Variants in NBAS observed in about 807,000 individuals in gnomAD.
NBAS encodes NBAS subunit of NRZ tethering complex.
In NBAS, 219 loss-of-function variants were observed where a neutral mutation model predicts 302.5. The observed-to-expected ratio is 0.72, with a 90% CI of 0.65 to 0.81. The LOEUF (loss-of-function observed/expected upper bound fraction) is 0.81. NBAS is among the 30% of genes least tolerant of loss of function. The pLI is 0.00. For synonymous variants in NBAS, 1,118 were observed against 1,021.6 expected, an observed-to-expected ratio of 1.09 and a Z score of -1.80; for missense variants, 2,932 against 2,841.6, an observed-to-expected ratio of 1.03 and a Z score of -0.72.
At chr2:15,232,203 G>A (rs539116318) in intron 47 of NBAS, among the ~76,000 whole-genome samples, 5 of 152,174 alleles carry the variant, frequency 3.3e-5, no homozygotes, top group African/African-American at 1.2e-4. Context: ...GGCTTTCAAG[G>A]AGGCAAGAGA....
At chr2:15,147,922 A>G in the NBAS span, among the ~76,000 whole-genome samples, 3 of 151,228 alleles carry the variant, frequency 2.0e-5, no homozygotes, top group Admixed American at 1.3e-4. Context: ...GGGCCTGAAG[A>G]TAGGCTAAAT....
At position 15,386,637 on chromosome 2, in the gene NBAS, C is replaced by T. The variant is rs147339558; in HGVS notation, c.3258-3320G>A. ...CTTCTCTGCTGATCTTCATGTCCACCTTCATAGCAGCATCTCCACCTACTG... is the reference window on the plus strand; with the variant it reads ...CTTCTCTGCTGATCTTCATGTCCACTTTCATAGCAGCATCTCCACCTACTG... On this transcript the variant is annotated intron_variant, in intron 28 of 51. Transcript: ENST00000281513. 2.9e-3 allele frequency among the ~76,000 whole-genome samples: 446 copies of T among 152,256 alleles called. 1 individual carries two copies. Among genetic ancestry groups the T allele is most frequent in the African/African-American group, 0.01 (426 of 41,536 alleles).
the NBAS span, among the ~76,000 whole-genome samples, chr2:14,828,607 C>CA: frequency 2.0e-5 from 3 of 151,588 alleles, no homozygotes; most frequent in East Asian, 1.9e-4. Context: ...AATGACTGTG[C>CA]AAAAAAAATA....
intron 1 of NBAS, among the ~76,000 whole-genome samples, chr2:15,559,259 G>A (rs1427547259): frequency 6.6e-6 from 1 of 152,100 alleles, no homozygotes; most frequent in Non-Finnish European, 1.5e-5. Flanking sequence ...CTGGTTGCCA[G>A]TTCAGCATAC....
the NBAS span, among the ~76,000 whole-genome samples, chr2:14,939,990 A>G: frequency 6.6e-6 from 1 of 152,212 alleles, no homozygotes; most frequent in Non-Finnish European, 1.5e-5. Flanking sequence ...TGGCTCATTC[A>G]TTTAAAATTA....
rs1198420518 is a variant in NBAS at position 15,483,661 on chromosome 2, A to T, written c.1083+5233T>A. On this transcript the variant is annotated intron_variant, in intron 12 of 51. Coordinates refer to ENST00000281513, the MANE Select transcript of NBAS (RefSeq NM_015909.4). ...AAGTATTTAATCAACTCAAAACTGG[A>T]TATTAGTAAATCAGAATAGGCACTT... Among the ~76,000 whole-genome samples the T allele has an allele frequency of 2.0e-5, 3 of 152,212 alleles. No individual in the cohort carries two copies. In the East Asian group the frequency reaches 5.8e-4, roughly 29 times the overall value.
chr2:14,815,289 T>C, the NBAS span, among the ~76,000 whole-genome samples: 1 of 152,174 alleles, frequency 6.6e-6, no homozygotes, highest in Non-Finnish European at 1.5e-5. Flanking sequence ...AAAATACTAG[T>C]GTGAAAACAT....
chr2:14,941,486 C>T, the NBAS span, among the ~76,000 whole-genome samples: 41 of 152,322 alleles, frequency 2.7e-4, 1 homozygote, highest in Admixed American at 1.6e-3. Context: ...AAGCTTCAAA[C>T]GCATCCGTTC....
the NBAS span, among the ~76,000 whole-genome samples, chr2:14,999,175 G>A: frequency 2.0e-5 from 3 of 151,844 alleles, no homozygotes; most frequent in Non-Finnish European, 2.9e-5. Context: ...ATTCTCAGAG[G>A]GCTCCACTCC....
intron 13 of NBAS, among the ~76,000 whole-genome samples, chr2:15,477,809 A>T (rs1680254777): frequency 6.6e-6 from 1 of 152,210 alleles, no homozygotes; most frequent in Non-Finnish European, 1.5e-5. Context: ...TTATAAAAGC[A>T]ATATATGCTC....
At chr2:15,533,118 CGA>C (rs1663301572) in intron 9 of NBAS, among the ~76,000 whole-genome samples, 2 of 152,220 alleles carry the variant, frequency 1.3e-5, no homozygotes, top group South Asian at 4.2e-4. Flanking sequence ...CTCACACCAT[CGA>C]GAGCACTAAC....
the NBAS span, chr2:14,890,840 CAAACA>C: frequency 9.5e-5 from 14 of 146,744 alleles, no homozygotes; most frequent in East Asian, 1.7e-3. Context: ...AACAAACAAA[CAAACA>C]AACAACAACA....
the NBAS span, among the ~76,000 whole-genome samples, chr2:14,798,346 A>G: frequency 3.3e-5 from 5 of 152,164 alleles, no homozygotes; most frequent in Non-Finnish European, 7.4e-5. Flanking sequence ...AGATGTTAAT[A>G]TAAGTTTATT....
chr2:14,797,047 G>T, the NBAS span, among the ~76,000 whole-genome samples: 1 of 147,730 alleles, frequency 6.8e-6, no homozygotes, highest in Non-Finnish European at 1.5e-5. Context: ...CGCGGACATC[G>T]TGCCACTCAC....
chr2:14,811,280 C>T, the NBAS span, among the ~76,000 whole-genome samples: 2 of 152,028 alleles, frequency 1.3e-5, no homozygotes, highest in African/African-American at 2.4e-5. Context: ...CATGGTGGCG[C>T]ATGTCTGTAT....
At chr2:15,494,002 T>C in intron 11 of NBAS, among the ~76,000 whole-genome samples, 1 of 152,012 alleles carries the variant, frequency 6.6e-6, no homozygotes, top group East Asian at 1.9e-4. Flanking sequence ...ATTTTTGTAT[T>C]TTTAGTAGAG....
At chr2:15,455,101 T>A (rs1679191362) in intron 21 of NBAS, among the ~76,000 whole-genome samples, 1 of 151,844 alleles carries the variant, frequency 6.6e-6, no homozygotes, top group South Asian at 2.1e-4. Flanking sequence ...TGGGGTTTCA[T>A]CACGTTGGCC....
chr2:15,159,744 G>A, the NBAS span, among the ~76,000 whole-genome samples: 6 of 151,776 alleles, frequency 4.0e-5, no homozygotes, highest in African/African-American at 1.5e-4. Context: ...GTAAGAAAGG[G>A]TTAAACTGGC....
At chr2:15,559,601 A>C (rs1279471762) in intron 1 of NBAS, among the ~76,000 whole-genome samples, 2 of 152,178 alleles carry the variant, frequency 1.3e-5, no homozygotes, top group Non-Finnish European at 2.9e-5. Context: ...TGCAAGACAC[A>C]ATTTGGCCCT....
Sources: allele counts gnomAD v4.1 joint callset (sites outside exome capture counted in the v4.1 genomes callset), GRCh38; gene constraint gnomAD v4.1.1; transcripts MANE v1.5; gene names NCBI Gene and HGNC (gene_info 2026-07-23, HGNC 2026-07-21).